SLC35F4: variants seen among roughly 807,000 people sequenced by gnomAD.
SLC35F4 encodes the protein solute carrier family 35 member F4, also known as chromosome 14 open reading frame 36.
In SLC35F4, 24 loss-of-function variants were observed where a neutral mutation model predicts 44.2. The ratio of observed to expected loss-of-function variants is 0.54; its 90% CI spans 0.39 to 0.76. SLC35F4 has a LOEUF of 0.76. Among genes scored for constraint, SLC35F4 ranks in the 30% least tolerant of loss-of-function variants. The pLI is 0.00. For synonymous variants in SLC35F4, 238 were observed against 223.6 expected (o/e 1.06, Z -0.57); for missense variants, 562 against 586.1 (o/e 0.96, Z 0.42).
At chr14:57,968,150 G>T (rs1375031807) in intron 1 of SLC35F4, among the ~76,000 whole-genome samples, 1 of 152,214 alleles carries the variant, frequency 6.6e-6, no homozygotes, top group African/African-American at 2.4e-5. Flanking sequence ...TGACTTCACA[G>T]ATCTGGTTCT....
At chr14:57,599,802 G>A (rs375377761) in intron 1 of SLC35F4, among the ~76,000 whole-genome samples, 10 of 126,320 alleles carry the variant, frequency 7.9e-5, no homozygotes, top group South Asian at 2.8e-4. Context: ...ACTCTGTCTT[G>A]AAAAAAAAAA....
intron 1 of SLC35F4, among the ~76,000 whole-genome samples, chr14:57,934,184 G>A (rs185491233): frequency 6.6e-6 from 1 of 151,514 alleles, no homozygotes; most frequent in Admixed American, 6.6e-5. Flanking sequence ...AACATTTTTT[G>A]TTCTTATGGG....
At chr14:57,677,834 T>C (rs2074749830) in intron 1 of SLC35F4, among the ~76,000 whole-genome samples, 1 of 151,432 alleles carries the variant, frequency 6.6e-6, no homozygotes, top group Admixed American at 6.6e-5. Context: ...AGTTGAAAAA[T>C]GGGCAAGGGT....
chr14:57,773,909 C>T (rs985171220), intron 1 of SLC35F4, among the ~76,000 whole-genome samples: 3 of 152,148 alleles, frequency 2.0e-5, no homozygotes, highest in Admixed American at 6.5e-5. Context: ...AAATATCTCC[C>T]AGACCTTGCC....
chr14:57,696,555 C>T (rs1000058550), intron 1 of SLC35F4, among the ~76,000 whole-genome samples: 5 of 152,210 alleles, frequency 3.3e-5, no homozygotes, highest in Admixed American at 6.5e-5. Flanking sequence ...ACCCAGCAAG[C>T]CCATTACTGG....
chr14:57,966,179 CT>C (rs1890434112), intron 1 of SLC35F4, among the ~76,000 whole-genome samples: 1 of 152,208 alleles, frequency 6.6e-6, no homozygotes, highest in South Asian at 2.1e-4. Flanking sequence ...TATGACCAGA[CT>C]CTCCCAGCTC....
rs184966854 is a variant in SLC35F4 at position 57,906,053 on chromosome 14, G to A, written n.282+75860C>T. On this transcript the variant is annotated intron_variant and non_coding_transcript_variant, in intron 1 of 1. Coordinates refer to the SLC35F4 transcript ENST00000556568. ...ACACAGAAACGGAACCAGAACACAC[G>A]TCTAGCACTGTAGGCATGAGGACAG... 1.8e-3 allele frequency among the ~76,000 whole-genome samples: 280 copies of A among 152,286 alleles called. 2 individuals are homozygous for A. Among genetic ancestry groups the A allele is most frequent in the Admixed American group, 4.8e-3 (73 of 15,302 alleles).
chr14:57,782,520 C>G lies in SLC35F4; in HGVS notation c.103+83203G>C, dbSNP rs1456554924. 2.0e-5 allele frequency among the ~76,000 whole-genome samples: 3 copies of G among 152,202 alleles called. No individual in the cohort carries two copies. In the East Asian group the frequency reaches 5.8e-4, roughly 29 times the overall value. Reference sequence around the variant, plus strand: ...TTAAAATCTATGGGTAAACAGAGACCATACATGGTGGTGTTTGCAGTTAAG... The same window carrying G: ...TTAAAATCTATGGGTAAACAGAGACGATACATGGTGGTGTTTGCAGTTAAG... On this transcript the variant is annotated intron_variant, in intron 1 of 7. Coordinates refer to ENST00000556826, the MANE Select transcript of SLC35F4 (RefSeq NM_001306087.2).
chr14:57,886,212 A>G (rs1888640791), intron 1 of SLC35F4, among the ~76,000 whole-genome samples: 1 of 152,184 alleles, frequency 6.6e-6, no homozygotes, highest in African/African-American at 2.4e-5. Flanking sequence ...TAAGCATTGT[A>G]GCTTAAAACA....
At chr14:57,656,989 C>G (rs2073991537) in intron 1 of SLC35F4, among the ~76,000 whole-genome samples, 1 of 152,192 alleles carries the variant, frequency 6.6e-6, no homozygotes, top group Non-Finnish European at 1.5e-5. Flanking sequence ...TCTGTTTCCT[C>G]CAAGCACTGA....
chr14:57,781,231 CACTAT>C lies in SLC35F4; in HGVS notation c.103+84487_103+84491del, dbSNP rs1183293631. The stretch of plus-strand genomic sequence containing the variant: ...AAACAAATTTACAAGGAAAAAAACC[CACTAT>C]ATTAAAAAGTGGGCAAAAAAACATG... On this transcript the variant is annotated intron_variant, in intron 1 of 7. Transcript: ENST00000556826. Among the ~76,000 whole-genome samples the C allele has an allele frequency of 1.1e-4, 16 of 151,770 alleles. No individual in the cohort carries two copies. In the East Asian group the frequency reaches 3.1e-3, roughly 29 times the overall value.
chr14:57,610,924 T>C (rs995820702), intron 1 of SLC35F4, among the ~76,000 whole-genome samples: 3 of 152,252 alleles, frequency 2.0e-5, no homozygotes, highest in Admixed American at 6.5e-5. Context: ...ATAGAGCATG[T>C]GTAAGCAAAT....
rs2139888277 is a variant in SLC35F4, at chr14:57,589,335, G to A, written c.468C>T (p.Phe156=). Residue 156 remains phenylalanine (F), a synonymous_variant, in exon 3 of 8, where the codon TTC becomes TTT. Transcript: ENST00000556826. ...ACCAAGTCATGAAAAATGGGCAATA[G>A]AAGTTCTTATAAGTAATTTTTACAA... is the stretch of plus-strand genomic sequence containing the variant. The part of the protein sequence containing the change: ...TQIVKITYKN[F]YCPFFMTWFS... The A allele has an allele frequency of 1.2e-6, 2 of 1,613,958 alleles. No individual in the cohort carries two copies. Among genetic ancestry groups the A allele is most frequent in the East Asian group, 2.2e-5 (1 of 44,880 alleles).
intron 1 of SLC35F4, among the ~76,000 whole-genome samples, chr14:57,890,634 C>T (rs1457102808): frequency 6.6e-6 from 1 of 152,126 alleles, no homozygotes; most frequent in Non-Finnish European, 1.5e-5. Flanking sequence ...AACACACAAG[C>T]TCTTTTTCCC....
At chr14:57,578,018 TCATAATA>T (rs1201729911) in intron 4 of SLC35F4, among the ~76,000 whole-genome samples, 2 of 152,178 alleles carry the variant, frequency 1.3e-5, no homozygotes, top group South Asian at 4.1e-4. Flanking sequence ...AGCAAGTTAT[TCATAATA>T]CATAATTCAT....
intron 1 of SLC35F4, among the ~76,000 whole-genome samples, chr14:57,810,081 G>A (rs1471995962): frequency 6.6e-6 from 1 of 152,240 alleles, no homozygotes; most frequent in East Asian, 1.9e-4. Context: ...AATATGTTTA[G>A]TTGGATGCAG....
chr14:57,631,119 C>T (rs2072749800), intron 1 of SLC35F4: 1 of 152,932 alleles, frequency 6.5e-6, no homozygotes, highest in African/African-American at 2.4e-5. Flanking sequence ...TGCTCAGACA[C>T]ATTTAGGTTC....
At chr14:57,600,668 G>C (rs1443683218) in intron 1 of SLC35F4, among the ~76,000 whole-genome samples, 1 of 110,276 alleles carries the variant, frequency 9.1e-6, no homozygotes, top group Middle Eastern at 6.4e-3. Flanking sequence ...CTCCAGCCTG[G>C]GCGACAGAGC....
downstream of SLC35F4, among the ~76,000 whole-genome samples, chr14:57,974,788 TG>T (rs1479533842): frequency 6.6e-6 from 1 of 152,142 alleles, no homozygotes; most frequent in Non-Finnish European, 1.5e-5. Flanking sequence ...CACAGGGTTG[TG>T]GGGATTCAAT....
Sources: allele counts gnomAD v4.1 joint callset (sites outside exome capture counted in the v4.1 genomes callset), GRCh38; gene constraint gnomAD v4.1.1; transcripts MANE v1.5; gene names NCBI Gene and HGNC (gene_info 2026-07-23, HGNC 2026-07-21).